NALF1: variants seen among roughly 807,000 people sequenced by gnomAD.
NALF1 encodes NALCN channel auxiliary factor 1.
A neutral mutation model predicts 48.4 loss-of-function variants in NALF1; 3 were observed. The observed-to-expected ratio is 0.06, with a 90% CI of 0.03 to 0.16. The LOEUF is 0.16. Ranked by LOEUF, NALF1 falls within the 10% of genes least tolerant of loss-of-function variation. The pLI is 1.00. For synonymous variants in NALF1, 262 were observed against 245.7 expected, an observed-to-expected ratio of 1.07 and a Z score of -0.62; for missense variants, 526 against 571.5, an observed-to-expected ratio of 0.92 and a Z score of 0.81.
intron 1 of NALF1, among the ~76,000 whole-genome samples, chr13:107,450,246 C>G (rs1182019103): frequency 5.3e-5 from 8 of 151,880 alleles, no homozygotes; most frequent in African/African-American, 1.2e-4. Flanking sequence ...CTGAGGAAAA[C>G]AAAAGGGAGG....
intron 1 of NALF1, among the ~76,000 whole-genome samples, chr13:107,416,581 G>T (rs1441954855): frequency 6.6e-6 from 1 of 151,942 alleles, no homozygotes; most frequent in Admixed American, 6.6e-5. Context: ...AGCTTAACTT[G>T]TTGCAAGATA....
chr13:107,551,081 C>G (rs1195072363), intron 1 of NALF1, among the ~76,000 whole-genome samples: 8 of 152,110 alleles, frequency 5.3e-5, no homozygotes, highest in Admixed American at 3.3e-4. Context: ...TCCACTTTCA[C>G]TATCACCAGA....
intron 1 of NALF1, among the ~76,000 whole-genome samples, chr13:107,510,642 G>C (rs551663016): frequency 4.6e-5 from 7 of 152,132 alleles, no homozygotes; most frequent in Non-Finnish European, 1.0e-4. Context: ...AAAGTAAAAA[G>C]CTAGCTCTGC....
intron 1 of NALF1, among the ~76,000 whole-genome samples, chr13:107,221,592 G>C (rs1879995110): frequency 6.6e-6 from 1 of 151,738 alleles, no homozygotes; most frequent in Non-Finnish European, 1.5e-5. Flanking sequence ...AAAATAAAAA[G>C]TAAAAAAATA....
At chr13:107,687,857 G>A (rs1473100089) in intron 1 of NALF1, among the ~76,000 whole-genome samples, 1 of 152,178 alleles carries the variant, frequency 6.6e-6, no homozygotes, top group Non-Finnish European at 1.5e-5. Context: ...GGCTGCCATG[G>A]ACACAGAGCA....
chr13:107,475,181 C>T (rs1393846572), intron 1 of NALF1, among the ~76,000 whole-genome samples: 3 of 152,098 alleles, frequency 2.0e-5, no homozygotes, highest in African/African-American at 4.8e-5. Flanking sequence ...GTTTGTCATC[C>T]GAACATTATA....
In NALF1 at chr13:107,659,114, G is replaced by GACACACACACACAC. The variant is rs71121541; in HGVS notation, c.915+206554_915+206567dup. Among the ~76,000 whole-genome samples, 1,458 of 145,872 alleles carry GACACACACACACAC rather than the reference G, an allele frequency of 1.0e-2. 43 individuals are homozygous for GACACACACACACAC. The East Asian group carries it at 0.1, about 10-fold the overall frequency. ...GCCAGCACTGACACACTGACACACA[G>GACACACACACACAC]ACACACACACACACACACACACACA... On this transcript the variant is annotated intron_variant, in intron 1 of 2. Transcript: ENST00000375915.
chr13:107,538,551 G>C (rs1018885875), intron 1 of NALF1, among the ~76,000 whole-genome samples: 2 of 152,084 alleles, frequency 1.3e-5, no homozygotes, highest in African/African-American at 4.8e-5. Context: ...AATTCTGTTT[G>C]TCATTGGACA....
In NALF1 at chr13:107,367,946, C is replaced by T. The variant is rs970451127; in HGVS notation, c.916-157191G>A. ...ATGCTATCTTTGATTTCAGTGCAAA[C>T]ATACTGAGCATTGTGGTTCTTTATG... On this transcript the variant is annotated intron_variant, in intron 1 of 2. Transcript: ENST00000375915. Among the ~76,000 whole-genome samples the T allele has an allele frequency of 3.9e-5, 6 of 152,152 alleles. 1 individual carries two copies. Among genetic ancestry groups the T allele is most frequent in the Non-Finnish European group, 4.4e-5 (3 of 68,026 alleles).
intron 1 of NALF1, among the ~76,000 whole-genome samples, chr13:107,645,602 G>A (rs184678433): frequency 6.7e-6 from 1 of 149,220 alleles, no homozygotes; most frequent in African/African-American, 2.5e-5. Context: ...GAGAGCCTGG[G>A]TAGTTTTCTA....
chr13:107,217,731 C>T (rs1384140938), intron 1 of NALF1, among the ~76,000 whole-genome samples: 1 of 152,102 alleles, frequency 6.6e-6, no homozygotes, highest in African/African-American at 2.4e-5. Context: ...CCTGCTTCCT[C>T]AATAGCTCTA....
At chr13:107,216,591 G>A (rs1476010450) in intron 1 of NALF1, among the ~76,000 whole-genome samples, 1 of 152,152 alleles carries the variant, frequency 6.6e-6, no homozygotes, top group Non-Finnish European at 1.5e-5. Context: ...AAACGCAAAT[G>A]TCTTCCTGTT....
At chr13:107,517,583 G>A (rs1321904987) in intron 1 of NALF1, among the ~76,000 whole-genome samples, 1 of 152,046 alleles carries the variant, frequency 6.6e-6, no homozygotes, top group Admixed American at 6.6e-5. Flanking sequence ...AATGAGCCAA[G>A]ATCGCGCCAC....
At chr13:107,313,043 G>A (rs1049862757) in intron 1 of NALF1, among the ~76,000 whole-genome samples, 11 of 152,066 alleles carry the variant, frequency 7.2e-5, no homozygotes, top group African/African-American at 2.4e-4. Flanking sequence ...TAGTTCTCTT[G>A]GAAATTTAAA....
At chr13:107,706,918 C>CTTTTTTT (rs34091754) in intron 1 of NALF1, among the ~76,000 whole-genome samples, 52 of 101,280 alleles carry the variant, frequency 5.1e-4, no homozygotes, top group African/African-American at 1.2e-3. Context: ...CAAGGGCATT[C>CTTTTTTT]TTTTTTTTTT....
intron 2 of NALF1, among the ~76,000 whole-genome samples, chr13:107,174,359 A>ATTTTT (rs555073785): frequency 7.1e-6 from 1 of 141,398 alleles, no homozygotes; most frequent in African/African-American, 2.7e-5. Flanking sequence ...TTATTTATTT[A>ATTTTT]TTTATTTTTT....
chr13:107,329,462 A>G (rs1882426108), intron 1 of NALF1, among the ~76,000 whole-genome samples: 1 of 150,170 alleles, frequency 6.7e-6, no homozygotes, highest in South Asian at 2.1e-4. Context: ...CAGTAGCTTC[A>G]CTCCTGGGAA....
chr13:107,484,162 C>A (rs1330748565), intron 1 of NALF1, among the ~76,000 whole-genome samples: 1 of 151,958 alleles, frequency 6.6e-6, no homozygotes, highest in Non-Finnish European at 1.5e-5. Context: ...AGCTTATTAA[C>A]AATAGGATGG....
At chr13:107,735,608 C>T (rs768641536) in intron 1 of NALF1, among the ~76,000 whole-genome samples, 1 of 152,128 alleles carries the variant, frequency 6.6e-6, no homozygotes, top group Non-Finnish European at 1.5e-5. Context: ...GATATCCGTA[C>T]GAATTCAAAA....
Sources: allele counts gnomAD v4.1 joint callset (sites outside exome capture counted in the v4.1 genomes callset), GRCh38; gene constraint gnomAD v4.1.1; transcripts MANE v1.5; gene names NCBI Gene and HGNC (gene_info 2026-07-23, HGNC 2026-07-21).